The following BRCA1 variants were observed in gnomAD, a reference collection of about 807,000 sequenced individuals.
The protein encoded by BRCA1 is BRCA1 DNA repair associated.
In BRCA1, 140 loss-of-function variants were observed where a neutral mutation model predicts 173.7. That is an observed-to-expected ratio of 0.81 (90% CI 0.70 to 0.93). BRCA1 has a LOEUF of 0.93. Among genes scored for constraint, BRCA1 ranks in the 40% least tolerant of loss-of-function variants. The probability of loss-of-function intolerance (pLI) is 0.00; values close to 1 mark genes in which losing one functional copy is unlikely to be tolerated. For missense variants in BRCA1, 1,983 were observed against 2,172.5 expected (o/e 0.91, Z 1.73); for synonymous variants, 662 against 756.0 (o/e 0.88, Z 2.04).
intron 8 of BRCA1, 35 bp downstream of exon 8, chr17:43,097,209 A>G (rs2154520719): frequency 6.3e-7 from 1 of 1,595,048 alleles, no homozygotes; most frequent in Non-Finnish European, 8.6e-7. Context: ...ATAGGAAAAT[A>G]CCAGCTTCAT....
intron 3 of BRCA1, chr17:43,110,459 A>G (rs1027315255): frequency 5.7e-6 from 2 of 351,080 alleles, no homozygotes; most frequent in African/African-American, 2.2e-5. Flanking sequence ...GGTGGTGTGC[A>G]CTTACAGTCC....
At chr17:43,101,605 C>A (rs1038497958) in intron 6 of BRCA1, among the ~76,000 whole-genome samples, 13 of 152,136 alleles carry the variant, frequency 8.5e-5, no homozygotes, top group African/African-American at 3.1e-4. Flanking sequence ...TAGGTTCAAG[C>A]AATTCTTGTG....
At chr17:43,046,757 CAA>C (rs370148636) in intron 22 of BRCA1, among the ~76,000 whole-genome samples, 8 of 105,982 alleles carry the variant, frequency 7.5e-5, no homozygotes, top group African/African-American at 1.1e-4. Context: ...GACTCCACCT[CAA>C]AAAAAAAAAA....
At chr17:43,053,066 CG>C (rs1441351477) in intron 19 of BRCA1, among the ~76,000 whole-genome samples, 1 of 151,744 alleles carries the variant, frequency 6.6e-6, no homozygotes, top group Non-Finnish European at 1.5e-5. Flanking sequence ...TTAGTAGAAA[CG>C]GGGTTTCACT....
intron 18 of BRCA1, among the ~76,000 whole-genome samples, chr17:43,061,020 G>A (rs2051725752): frequency 6.6e-6 from 1 of 152,104 alleles, no homozygotes; most frequent in Non-Finnish European, 1.5e-5. Context: ...CAGCTACTCA[G>A]GAGGCCAAGG....
rs375639469 is a variant in BRCA1 at position 43,063,376 on chromosome 17, A to G, written c.5153-3T>C. ...TTCTTTAATAGACTGGGTCACCCCT[A>G]AAGAGATCATAGAAAAGACAGGTTA... On this transcript the variant is annotated splice_polypyrimidine_tract_variant and splice_region_variant and intron_variant, in intron 17 of 22. Coordinates refer to ENST00000357654, the MANE Select transcript of BRCA1 (RefSeq NM_007294.4). 3.1e-6 allele frequency: 5 copies of G among 1,610,902 alleles called. No individual in the cohort carries two copies. Among genetic ancestry groups the G allele is most frequent in the African/African-American group, 1.3e-5 (1 of 74,870 alleles).
intron 11 of BRCA1, among the ~76,000 whole-genome samples, chr17:43,085,376 G>GA (rs1216150329): frequency 6.6e-6 from 1 of 151,494 alleles, no homozygotes; most frequent in Non-Finnish European, 1.5e-5. Flanking sequence ...AAAAAGAAAA[G>GA]AAAAAAACCC....
At position 43,094,256 on chromosome 17, in the gene BRCA1, A is replaced by T. The variant is rs786201160; in HGVS notation, c.1275T>A (p.Ser425=). Residue 425 remains serine (S), a synonymous_variant, in exon 10 of 23, where the codon TCT becomes TCA. Transcript: ENST00000357654. ...TGGCCAGTAAGTCTATTTTCTCTGAAGAACCAGAATATTCATCTACCTCAT... is the reference window on the plus strand; with the variant it reads ...TGGCCAGTAAGTCTATTTTCTCTGATGAACCAGAATATTCATCTACCTCAT... ...VLNEVDEYSG[S]SEKIDLLASD... 9.9e-6 allele frequency: 16 copies of T among 1,614,046 alleles called. No homozygotes were observed. The highest frequency in any genetic ancestry group is 1.4e-5 in the Non-Finnish European group (16 of 1,180,046).
chr17:43,077,856 C>T (rs1003876756), intron 12 of BRCA1, among the ~76,000 whole-genome samples: 4 of 152,080 alleles, frequency 2.6e-5, no homozygotes, highest in Admixed American at 6.5e-5. Context: ...CTGCCTCAGC[C>T]TCCCAAGTAG....
chr17:43,050,922 T>G, intron 20 of BRCA1, 141 bp downstream of exon 20: 1 of 832,792 alleles, frequency 1.2e-6, no homozygotes. Flanking sequence ...CTGTTTTGTT[T>G]GGAGAGTGGT....
In BRCA1 at chr17:43,081,610, C is replaced by T. The variant is rs8176186; in HGVS notation, c.4357+794G>A. 8.4e-3 allele frequency among the ~76,000 whole-genome samples: 1,274 copies of T among 152,282 alleles called. 5 individuals carry two copies. Among genetic ancestry groups the T allele is most frequent in the South Asian group, 0.028 (135 of 4,820 alleles). Reference sequence around the variant, plus strand: ...CTAAGCAGCATCCTAGTGGGGACCCCATGCCTAGCATCTCCTATGTGTCTG... The same window carrying T: ...CTAAGCAGCATCCTAGTGGGGACCCTATGCCTAGCATCTCCTATGTGTCTG... On this transcript the variant is annotated intron_variant, in intron 12 of 22. Coordinates refer to ENST00000357654, the MANE Select transcript of BRCA1 (RefSeq NM_007294.4).
At chr17:43,169,228 G>C (rs2056296709) in intron 1 of BRCA1, among the ~76,000 whole-genome samples, 1 of 152,180 alleles carries the variant, frequency 6.6e-6, no homozygotes, top group Non-Finnish European at 1.5e-5. Context: ...ACCCAGGCTG[G>C]AGTGCAATGG....
chr17:43,125,305 C>A lies in BRCA1; in HGVS notation c.-54G>T, dbSNP rs1205965118. ...GAGCAGAGGGTGAAGGCCTCCTGAGCGCAGGGGCCCAGTTATCTGAGAAAC... is the reference window on the plus strand; with the variant it reads ...GAGCAGAGGGTGAAGGCCTCCTGAGAGCAGGGGCCCAGTTATCTGAGAAAC... On this transcript the variant is annotated 5_prime_UTR_variant, in exon 1 of 23. Transcript: ENST00000357654. 5 of 456,098 alleles carry A rather than the reference C, an allele frequency of 1.1e-5. No individual in the cohort carries two copies. The highest frequency in any genetic ancestry group is 2.2e-5 in the Non-Finnish European group (5 of 226,932). The allele number at this position is 456,098 out of a possible 1,614,324, so 28.3% of individuals were successfully genotyped here.
intron 1 of BRCA1, among the ~76,000 whole-genome samples, chr17:43,152,875 A>T (rs911356191): frequency 1.5e-4 from 22 of 151,020 alleles, no homozygotes; most frequent in African/African-American, 5.4e-4. Context: ...AAATAAAAAA[A>T]TAAAAAAAAA....
intron 22 of BRCA1, among the ~76,000 whole-genome samples, chr17:43,046,554 T>C (rs1392876056): frequency 6.6e-6 from 1 of 151,968 alleles, no homozygotes; most frequent in Non-Finnish European, 1.5e-5. Flanking sequence ...CGTGCCACCA[T>C]GCCTGGCTAA....
At position 43,091,443 on chromosome 17, in the gene BRCA1, G is replaced by A. The variant is rs398122680; in HGVS notation, c.4088C>T (p.Ser1363Leu). Residue 1363 changes from serine (S) to leucine (L), a missense_variant, in exon 10 of 23, where the codon TCA becomes TTA. Physicochemically the swap from Ser to Leu is moderately radical, Grantham distance 145. Coordinates refer to ENST00000357654, the MANE Select transcript of BRCA1 (RefSeq NM_007294.4). Reference protein sequence around the residue: ...ENNQEEQSMDSNLGEAASGCE... With the variant: ...ENNQEEQSMDLNLGEAASGCE... The stretch of plus-strand genomic sequence containing the variant: ...AAACCTGGTTCCAATACCTAAGTTT[G>A]AATCCATGCTTTGCTCTTCTTGATT... 23 of 1,613,886 alleles carry A rather than the reference G, an allele frequency of 1.4e-5. No individual in the cohort carries two copies. The highest frequency in any genetic ancestry group is 1.9e-5 in the Non-Finnish European group (23 of 1,179,960).
At position 43,070,919 on chromosome 17, in the gene BRCA1, T is replaced by A. The variant is rs1567774286; in HGVS notation, c.4986+9A>T. 1 of 1,614,034 alleles carries A rather than the reference T, an allele frequency of 6.2e-7. No homozygotes were observed. The highest frequency in any genetic ancestry group is 8.5e-7 in the Non-Finnish European group (1 of 1,179,976). ...TAGTCATTAGGGAGATACATATGGA[T>A]ACACTCACAAATTCTTCTGGGGTCA... is the stretch of plus-strand genomic sequence containing the variant. On this transcript the variant is annotated intron_variant, in intron 15 of 22. Coordinates refer to ENST00000357654, the MANE Select transcript of BRCA1 (RefSeq NM_007294.4).
At chr17:43,133,565 T>A (rs2055989182) in intron 1 of BRCA1, among the ~76,000 whole-genome samples, 2 of 152,056 alleles carry the variant, frequency 1.3e-5, no homozygotes, top group African/African-American at 4.8e-5. Flanking sequence ...TGCGCTGGCC[T>A]CCAACTCTGC....
At chr17:43,098,118 G>C (rs796254729) in intron 7 of BRCA1, among the ~76,000 whole-genome samples, 10 of 148,358 alleles carry the variant, frequency 6.7e-5, no homozygotes, top group African/African-American at 2.5e-4. Flanking sequence ...TCAAACTCCT[G>C]GGTTCAATGT....
Sources: gnomAD v4.1 joint callset for allele counts (sites outside exome capture counted in the v4.1 genomes callset) on GRCh38, gnomAD v4.1.1 for gene constraint, MANE v1.5 for transcripts, NCBI Gene and HGNC (gene_info 2026-07-23, HGNC 2026-07-21) for gene names.